Variants in TGFBRAP1 observed in about 807,000 individuals in gnomAD.
TGFBRAP1 encodes transforming growth factor beta receptor associated protein 1, also known as transforming growth factor-beta receptor-associated protein 1.
TGFBRAP1 carries 20 observed loss-of-function variants against 83.2 expected under a neutral mutation model. The ratio of observed to expected loss-of-function variants is 0.24; its 90% CI spans 0.17 to 0.35. TGFBRAP1 has a LOEUF of 0.35. Among genes scored for constraint, TGFBRAP1 ranks in the 10% least tolerant of loss-of-function variants. The probability of loss-of-function intolerance (pLI) is 1.00; values close to 1 mark genes in which losing one functional copy is unlikely to be tolerated. For missense variants in TGFBRAP1, 950 were observed against 1,099.4 expected (o/e 0.86, Z 1.92); for synonymous variants, 415 against 459.8 (o/e 0.90, Z 1.25).
At chr2:105,282,917 G>A (rs1166477147) in intron 5 of TGFBRAP1, among the ~76,000 whole-genome samples, 1 of 152,012 alleles carries the variant, frequency 6.6e-6, no homozygotes, top group East Asian at 1.9e-4. Context: ...AAGAGAGTGA[G>A]GTGCGGAAGT....
intron 1 of TGFBRAP1, among the ~76,000 whole-genome samples, chr2:105,319,872 ATATT>A (rs1679004738): frequency 6.6e-6 from 1 of 150,420 alleles, no homozygotes; most frequent in African/African-American, 2.4e-5. Context: ...AGTGAAATAT[ATATT>A]TGTTATATAT....
downstream of TGFBRAP1, among the ~76,000 whole-genome samples, chr2:105,262,454 G>A (rs1676811745): frequency 6.6e-6 from 1 of 152,158 alleles, no homozygotes; most frequent in Non-Finnish European, 1.5e-5. Flanking sequence ...GGCCTTCCCA[G>A]AAGCAGATGC....
At chr2:105,299,589 T>G (rs1404922721) in intron 2 of TGFBRAP1, among the ~76,000 whole-genome samples, 1 of 151,968 alleles carries the variant, frequency 6.6e-6, no homozygotes. Context: ...CCCTGATGAA[T>G]GTTTTTAAAA....
At chr2:105,262,575 G>A (rs764246728), downstream of TGFBRAP1, among the ~76,000 whole-genome samples, 2 of 152,164 alleles carry the variant, frequency 1.3e-5, no homozygotes, top group Non-Finnish European at 1.5e-5. Context: ...ATGGACTGAC[G>A]CAGGCACGGA....
intron 4 of TGFBRAP1, among the ~76,000 whole-genome samples, chr2:105,288,493 C>A (rs1233018739): frequency 6.6e-6 from 1 of 152,118 alleles, no homozygotes; most frequent in Non-Finnish European, 1.5e-5. Flanking sequence ...AGCCAGCTAC[C>A]AAAGCGCAGA....
At position 105,308,223 on chromosome 2, in the gene TGFBRAP1, T is replaced by A. The variant is rs754130558; in HGVS notation, c.79A>T (p.Ile27Leu). ...LLMGDKERVN[I>L]ECVECCGRDL... Reference sequence around the variant, plus strand: ...CTGCCGCAGCACTCCACGCACTCTATGTTGACGCGCTCCTTGTCGCCCATC... The same window carrying A: ...CTGCCGCAGCACTCCACGCACTCTAAGTTGACGCGCTCCTTGTCGCCCATC... Residue 27 changes from isoleucine to leucine, a missense_variant, in exon 2 of 12, where the codon ATA (isoleucine) becomes TTA (leucine). Ile to Leu is a conservative substitution (Grantham distance 5). Transcript: ENST00000393359. 1.2e-6 allele frequency: 2 copies of A among 1,614,108 alleles called. No homozygotes were observed. Among genetic ancestry groups the A allele is most frequent in the African/African-American group, 2.7e-5 (2 of 74,946 alleles).
intron 1 of TGFBRAP1, among the ~76,000 whole-genome samples, chr2:105,316,375 G>GA (rs199773330): frequency 9.4e-5 from 12 of 128,068 alleles, no homozygotes; most frequent in East Asian, 2.4e-4. Context: ...TGATCCAGAG[G>GA]AAAAAAAAAA....
intron 9 of TGFBRAP1, 74 bp from the exon 10 acceptor site, chr2:105,273,088 C>A: frequency 6.4e-7 from 1 of 1,562,490 alleles, no homozygotes; most frequent in Non-Finnish European, 8.7e-7. Flanking sequence ...CCCCTGTCAG[C>A]CAGGGCTTGG....
intron 1 of TGFBRAP1, among the ~76,000 whole-genome samples, chr2:105,323,743 A>T (rs1679136624): frequency 6.6e-6 from 1 of 152,272 alleles, no homozygotes; most frequent in South Asian, 2.1e-4. Flanking sequence ...AAACACCTCC[A>T]ATTCCCATGG....
At chr2:105,285,347 T>G (rs1335438621) in intron 4 of TGFBRAP1, among the ~76,000 whole-genome samples, 1 of 152,238 alleles carries the variant, frequency 6.6e-6, no homozygotes, top group African/African-American at 2.4e-5. Flanking sequence ...CGGTGCTTAC[T>G]GATCAACTCT....
At position 105,307,888 on chromosome 2, in the gene TGFBRAP1, A is replaced by G; in HGVS notation, c.414T>C (p.Val138=). Residue 138 remains valine (V), a synonymous_variant, in exon 2 of 12, where the codon GTT becomes GTC. Coordinates refer to ENST00000393359, the MANE Select transcript of TGFBRAP1 (RefSeq NM_004257.6). Reference sequence around the variant, plus strand: ...TTCTGCGTTTGACAGAGATGATGCAAACTTCTACACAGAAGGGGTCCCCAC... The same window carrying G: ...TTCTGCGTTTGACAGAGATGATGCAGACTTCTACACAGAAGGGGTCCCCAC... ...PVSGDPFCVE[V]CIISVKRRTI... The G allele has an allele frequency of 6.2e-7, 1 of 1,614,158 alleles. No homozygotes were observed. The highest frequency in any genetic ancestry group is 8.5e-7 in the Non-Finnish European group (1 of 1,180,020).
At chr2:105,287,264 T>C (rs1457030771) in intron 4 of TGFBRAP1, among the ~76,000 whole-genome samples, 1 of 152,064 alleles carries the variant, frequency 6.6e-6, no homozygotes, top group Non-Finnish European at 1.5e-5. Context: ...AGATGAAAGG[T>C]CTGGAGATGG....
chr2:105,308,624 T>C (rs873738), intron 1 of TGFBRAP1, among the ~76,000 whole-genome samples: 42,524 of 151,988 alleles, frequency 0.28, 6,196 homozygotes, highest in South Asian at 0.34. Flanking sequence ...ACATTGCTCC[T>C]GGGAGACACG....
At chr2:105,270,960 AACT>A (rs1391285287) in intron 10 of TGFBRAP1, among the ~76,000 whole-genome samples, 1 of 152,238 alleles carries the variant, frequency 6.6e-6, no homozygotes, top group Non-Finnish European at 1.5e-5. Flanking sequence ...CAAGTCATCT[AACT>A]AAGAAGGGAT....
intron 2 of TGFBRAP1, among the ~76,000 whole-genome samples, chr2:105,306,416 G>A (rs1368484838): frequency 6.6e-6 from 1 of 152,084 alleles, no homozygotes; most frequent in Non-Finnish European, 1.5e-5. Context: ...GTTAAGAGTG[G>A]GTAGATAGCT....
chr2:105,258,481 T>TC, the TGFBRAP1 span, among the ~76,000 whole-genome samples: 1 of 152,034 alleles, frequency 6.6e-6, no homozygotes. Context: ...CTTTTTTTTT[T>TC]TCTTAACTTG....
At chr2:105,305,170 T>C (rs1444374633) in intron 2 of TGFBRAP1, among the ~76,000 whole-genome samples, 1 of 152,210 alleles carries the variant, frequency 6.6e-6, no homozygotes, top group Non-Finnish European at 1.5e-5. Context: ...TCAGTTTTGC[T>C]GTGAACCTAA....
At chr2:105,300,638 C>T (rs565654172) in intron 2 of TGFBRAP1, among the ~76,000 whole-genome samples, 90 of 151,734 alleles carry the variant, frequency 5.9e-4, no homozygotes, top group Admixed American at 3.3e-3. Flanking sequence ...GGTTTCGCCA[C>T]GTTGGCCAGG....
chr2:105,275,860 G>GT (rs948916011), intron 7 of TGFBRAP1, among the ~76,000 whole-genome samples, 157 bp from the exon 8 acceptor site: 1 of 151,734 alleles, frequency 6.6e-6, no homozygotes, highest in African/African-American at 2.4e-5. Flanking sequence ...TTAAATTTTA[G>GT]TTTTTTTGGA....
Sources: allele counts gnomAD v4.1 joint callset (sites outside exome capture counted in the v4.1 genomes callset), GRCh38; gene constraint gnomAD v4.1.1; transcripts MANE v1.5; gene names NCBI Gene and HGNC (gene_info 2026-07-23, HGNC 2026-07-21).